PCDH7: variants seen among roughly 807,000 people sequenced by gnomAD.
PCDH7 encodes the protein protocadherin 7, also known as protocadherin-7.
In PCDH7, 17 loss-of-function variants were observed where a neutral mutation model predicts 58.9. The observed-to-expected ratio is 0.29, with a 90% confidence interval of 0.20 to 0.43. The LOEUF (loss-of-function observed/expected upper bound fraction) is 0.43. Ranked by LOEUF, PCDH7 falls within the 20% of genes least tolerant of loss-of-function variation. The pLI is 1.00. For missense variants in PCDH7, 1,274 were observed against 1,441.0 expected, an observed-to-expected ratio of 0.88 and a Z score of 1.88; for synonymous variants, 664 against 616.4, an observed-to-expected ratio of 1.08 and a Z score of -1.14.
chr4:30,914,387 T>C (rs1742153140), intron 1 of PCDH7, among the ~76,000 whole-genome samples: 1 of 152,186 alleles, frequency 6.6e-6, no homozygotes, highest in Non-Finnish European at 1.5e-5. Flanking sequence ...CTCTAGTATG[T>C]CATAATGGAA....
At chr4:30,894,527 ACAC>A in intron 1 of PCDH7, among the ~76,000 whole-genome samples, 1 of 92,328 alleles carries the variant, frequency 1.1e-5, no homozygotes, top group African/African-American at 4.8e-5. Flanking sequence ...ACACACACAC[ACAC>A]ACACACACAC....
intron 3 of PCDH7, among the ~76,000 whole-genome samples, chr4:31,129,749 C>T (rs1413262548): frequency 2.0e-5 from 3 of 152,170 alleles, no homozygotes; most frequent in Admixed American, 6.5e-5. Context: ...TCTCCGGCCT[C>T]GGCCTCCTGA....
intron 1 of PCDH7, among the ~76,000 whole-genome samples, chr4:30,753,447 C>T (rs1718838474): frequency 6.6e-6 from 1 of 152,134 alleles, no homozygotes; most frequent in Non-Finnish European, 1.5e-5. Context: ...GCACATATTG[C>T]TTAGTTGATG....
chr4:30,779,003 GTTTTTTTT>G (rs386399674), intron 1 of PCDH7, among the ~76,000 whole-genome samples: 37 of 73,006 alleles, frequency 5.1e-4, no homozygotes, highest in Non-Finnish European at 1.2e-4. Flanking sequence ...TCCTTACTCC[GTTTTTTTT>G]TTTTTTTTTT....
intron 3 of PCDH7, among the ~76,000 whole-genome samples, chr4:31,084,615 G>T (rs1300657295): frequency 6.8e-6 from 1 of 146,516 alleles, no homozygotes; most frequent in South Asian, 2.3e-4. Context: ...ATGGTGGCAG[G>T]CAAAGGGAGG....
At chr4:30,873,701 A>G (rs866051898) in intron 1 of PCDH7, among the ~76,000 whole-genome samples, 2 of 152,120 alleles carry the variant, frequency 1.3e-5, no homozygotes, top group East Asian at 3.9e-4. Flanking sequence ...TTTTACTTCT[A>G]TATGTTGAAT....
At chr4:30,968,332 T>C (rs961017535) in intron 3 of PCDH7, among the ~76,000 whole-genome samples, 55 of 107,500 alleles carry the variant, frequency 5.1e-4, no homozygotes, top group African/African-American at 1.2e-3. Context: ...TATATATATA[T>C]ACACACACTA....
At chr4:30,812,374 T>TATA (rs1727133924) in intron 1 of PCDH7, among the ~76,000 whole-genome samples, 1 of 152,164 alleles carries the variant, frequency 6.6e-6, no homozygotes, top group Non-Finnish European at 1.5e-5. Flanking sequence ...CATTTCAAAT[T>TATA]TACATGAAAA....
chr4:30,747,406 A>G (rs765129750), intron 1 of PCDH7, among the ~76,000 whole-genome samples: 34 of 152,216 alleles, frequency 2.2e-4, no homozygotes, highest in Non-Finnish European at 4.0e-4. Flanking sequence ...CTTACGGTCA[A>G]AAGTCAGAAA....
chr4:30,927,853 T>TA (rs11389791), intron 2 of PCDH7, among the ~76,000 whole-genome samples: 105,179 of 151,606 alleles, frequency 0.69, 36,515 homozygotes, highest in East Asian at 0.78. Flanking sequence ...GAATGATCAA[T>TA]AAAAAAAACC....
chr4:30,918,485 A>G (rs566497621), intron 1 of PCDH7, among the ~76,000 whole-genome samples: 1 of 152,248 alleles, frequency 6.6e-6, no homozygotes, highest in East Asian at 1.9e-4. Flanking sequence ...CAACTATATT[A>G]CCATCAAGAA....
chr4:31,019,881 A>T (rs185338454), intron 3 of PCDH7, among the ~76,000 whole-genome samples: 2 of 152,046 alleles, frequency 1.3e-5, no homozygotes, highest in Admixed American at 1.3e-4. Context: ...GTATGCTAGG[A>T]GTGGGGAGCT....
At chr4:30,761,079 A>G (rs141871266) in intron 1 of PCDH7, among the ~76,000 whole-genome samples, 2 of 152,312 alleles carry the variant, frequency 1.3e-5, no homozygotes, top group Non-Finnish European at 2.9e-5. Flanking sequence ...CTTGTATTGT[A>G]TTCTAGTCTC....
At chr4:30,815,877 G>A (rs916901791) in intron 1 of PCDH7, among the ~76,000 whole-genome samples, 1 of 152,222 alleles carries the variant, frequency 6.6e-6, no homozygotes, top group East Asian at 1.9e-4. Flanking sequence ...CCTGATGGTC[G>A]CCTGACATTC....
intron 3 of PCDH7, among the ~76,000 whole-genome samples, chr4:30,997,014 A>T (rs1751954476): frequency 1.3e-5 from 2 of 152,154 alleles, no homozygotes; most frequent in South Asian, 4.1e-4. Flanking sequence ...GCCAAGAGGT[A>T]TAACTGTAAA....
At chr4:31,049,759 AG>A (rs150605108) in intron 3 of PCDH7, among the ~76,000 whole-genome samples, 1 of 152,194 alleles carries the variant, frequency 6.6e-6, no homozygotes, top group Non-Finnish European at 1.5e-5. Context: ...ATTAAAATAT[AG>A]TACCTGATAG....
intron 1 of PCDH7, among the ~76,000 whole-genome samples, chr4:30,797,950 T>C (rs73213191): frequency 0.11 from 16,751 of 152,238 alleles, 1,228 homozygotes; most frequent in Non-Finnish European, 0.16. Context: ...ATCACGTGAA[T>C]CTGTAACAAA....
chr4:30,828,844 G>T (rs1005547768), intron 1 of PCDH7, among the ~76,000 whole-genome samples: 84 of 149,674 alleles, frequency 5.6e-4, no homozygotes, highest in African/African-American at 2.0e-3. Context: ...TTTTTTTTTT[G>T]TTGTTGTTGT....
intron 3 of PCDH7, among the ~76,000 whole-genome samples, chr4:31,090,111 G>A (rs1281796014): frequency 1.3e-5 from 2 of 151,988 alleles, no homozygotes; most frequent in African/African-American, 4.8e-5. Flanking sequence ...ATGAGAACTG[G>A]CCTTCAGGAA....
Sources: gnomAD v4.1 joint callset for allele counts (sites outside exome capture counted in the v4.1 genomes callset) on GRCh38, gnomAD v4.1.1 for gene constraint, MANE v1.5 for transcripts, NCBI Gene and HGNC (gene_info 2026-07-23, HGNC 2026-07-21) for gene names.